Variants in DIP2C observed in about 807,000 individuals in gnomAD.
DIP2C encodes the protein disco-interacting protein 2 homolog C.
DIP2C carries 33 observed loss-of-function variants against 192.4 expected under a neutral mutation model. The observed-to-expected ratio is 0.17, with a 90% CI of 0.13 to 0.23. DIP2C has a LOEUF of 0.23. DIP2C is among the 10% of genes least tolerant of loss of function. The probability of loss-of-function intolerance (pLI) is 1.00; values close to 1 mark genes in which losing one functional copy is unlikely to be tolerated. For synonymous variants in DIP2C, 979 were observed against 864.1 expected (o/e 1.13, Z -2.33); for missense variants, 1,537 against 2,110.1 (o/e 0.73, Z 5.32).
At chr10:318,395 G>C (rs1307675666) in intron 31 of DIP2C, among the ~76,000 whole-genome samples, 1 of 152,238 alleles carries the variant, frequency 6.6e-6, no homozygotes, top group Non-Finnish European at 1.5e-5. Flanking sequence ...GGCAGTGAAG[G>C]TGTCCAGACA....
chr10:670,076 G>GCA (rs568893220), intron 1 of DIP2C, among the ~76,000 whole-genome samples: 1 of 152,112 alleles, frequency 6.6e-6, no homozygotes, highest in Non-Finnish European at 1.5e-5. Flanking sequence ...GCATATCTGT[G>GCA]CACACACACA....
chr10:499,495 G>C (rs1184247552), intron 1 of DIP2C, among the ~76,000 whole-genome samples: 2 of 152,228 alleles, frequency 1.3e-5, no homozygotes, highest in Admixed American at 6.5e-5. Context: ...GGGAAGCAAA[G>C]GCCTATCTTA....
intron 1 of DIP2C, among the ~76,000 whole-genome samples, chr10:637,634 G>A (rs539156825): frequency 3.0e-4 from 45 of 152,272 alleles, no homozygotes; most frequent in Non-Finnish European, 5.6e-4. Flanking sequence ...CATCTCCTCC[G>A]GGGTGAGGAT....
intron 3 of DIP2C, among the ~76,000 whole-genome samples, chr10:443,201 T>TA (rs1324111580): frequency 6.6e-6 from 1 of 152,230 alleles, no homozygotes; most frequent in African/African-American, 2.4e-5. Flanking sequence ...TATTCTGTTT[T>TA]TCATCGATCC....
At position 423,026 on chromosome 10, in the gene DIP2C, A is replaced by G. The variant is rs1966311349; in HGVS notation, c.402T>C (p.Ser134=). 6.2e-7 allele frequency: 1 copy of G among 1,608,654 alleles called. No homozygotes were observed. The highest frequency in any genetic ancestry group is 1.3e-5 in the African/African-American group (1 of 74,822). The change falls in exon 5 of 37, where the codon TCT becomes TCC. Residue 134 remains serine, a synonymous_variant. Coordinates refer to ENST00000280886, the MANE Select transcript of DIP2C (RefSeq NM_014974.3). ...SMDAYTPPDT[S]SGSEDEGSVQ... The stretch of plus-strand genomic sequence containing the variant: ...CTGAGCCTTCATCTTCTGAGCCAGA[A>G]GAGGTATCTGTGTAAGAAGAAAGGT...
At chr10:362,791 G>A (rs1176082949) in intron 21 of DIP2C, 100 bp from the exon 22 acceptor site, 15 of 1,284,996 alleles carry the variant, frequency 1.2e-5, no homozygotes, top group East Asian at 9.7e-5. Context: ...AGAAGTCTGT[G>A]CAGTATAAGC....
chr10:311,013 G>A (rs997868181), intron 31 of DIP2C, among the ~76,000 whole-genome samples: 23 of 151,586 alleles, frequency 1.5e-4, no homozygotes, highest in Admixed American at 2.6e-4. Flanking sequence ...TTCTTATATT[G>A]CTTATATATA....
intron 22 of DIP2C, among the ~76,000 whole-genome samples, chr10:361,623 G>A (rs1304044353): frequency 1.3e-5 from 2 of 152,208 alleles, no homozygotes; most frequent in African/African-American, 4.8e-5. Context: ...AAACAGTGGG[G>A]AGAGAGGATC....
At chr10:479,751 T>C (rs1190090283) in intron 2 of DIP2C, among the ~76,000 whole-genome samples, 2 of 152,246 alleles carry the variant, frequency 1.3e-5, no homozygotes, top group Admixed American at 1.3e-4. Flanking sequence ...TAGGGACTCA[T>C]ACACTGGAAA....
intron 9 of DIP2C, among the ~76,000 whole-genome samples, chr10:405,196 G>A (rs995381824): frequency 6.6e-5 from 10 of 152,190 alleles, no homozygotes; most frequent in African/African-American, 2.4e-4. Flanking sequence ...TCATCCCCAC[G>A]GCCAGACGGC....
chr10:387,599 GA>G (rs1276645192), intron 14 of DIP2C, 145 bp downstream of exon 14: 11 of 734,858 alleles, frequency 1.5e-5, no homozygotes, highest in African/African-American at 3.5e-5. Flanking sequence ...GGCAGGGTGG[GA>G]GGGAGACTCC....
chr10:579,246 C>A (rs1480221730), intron 1 of DIP2C, among the ~76,000 whole-genome samples: 1 of 151,830 alleles, frequency 6.6e-6, no homozygotes, highest in East Asian at 1.9e-4. Context: ...TACATAGGTA[C>A]ACTAACATGT....
intron 1 of DIP2C, among the ~76,000 whole-genome samples, chr10:542,461 G>A (rs1263032097): frequency 6.6e-6 from 1 of 152,212 alleles, no homozygotes; most frequent in Non-Finnish European, 1.5e-5. Context: ...GGACCCACCA[G>A]CAGGACTGCC....
At chr10:346,498 G>T (rs111977953) in intron 26 of DIP2C, among the ~76,000 whole-genome samples, 97 of 4,012 alleles carry the variant, frequency 0.024, no homozygotes, top group Middle Eastern at 0.042. Flanking sequence ...AACCCCACAC[G>T]CACCCAGACA....
At position 280,989 on chromosome 10, in the gene DIP2C, G is replaced by A. The variant is rs537617204; in HGVS notation, c.4418+211C>T. Among the ~76,000 whole-genome samples the A allele has an allele frequency of 1.3e-4, 20 of 152,286 alleles. No homozygotes were observed. In the South Asian group the frequency reaches 1.9e-3, roughly 14 times the overall value. On this transcript the variant is annotated intron_variant, in intron 36 of 36. Coordinates refer to ENST00000280886, the MANE Select transcript of DIP2C (RefSeq NM_014974.3). ...GTTTTCACGGCAATAGAAGTCTATC[G>A]TTTTCAGGTAATATATGGTACATTA...
intron 1 of DIP2C, among the ~76,000 whole-genome samples, chr10:541,296 G>A (rs1847971178): frequency 6.6e-6 from 1 of 152,136 alleles, no homozygotes; most frequent in Non-Finnish European, 1.5e-5. Context: ...CAGTGCACAG[G>A]TTAAATGTCA....
At chr10:618,913 G>A (rs1315454709) in intron 1 of DIP2C, among the ~76,000 whole-genome samples, 2 of 152,196 alleles carry the variant, frequency 1.3e-5, no homozygotes, top group Non-Finnish European at 2.9e-5. Context: ...AACAAAACCT[G>A]AAAGGACAGG....
At chr10:523,371 G>A (rs866079343) in intron 1 of DIP2C, among the ~76,000 whole-genome samples, 3 of 141,254 alleles carry the variant, frequency 2.1e-5, no homozygotes. Context: ...CAGGGACTCT[G>A]TGTCACCCAC....
chr10:281,098 C>CTA (rs1954796231), intron 36 of DIP2C, 102 bp downstream of exon 36: 1 of 1,518,968 alleles, frequency 6.6e-7, no homozygotes, highest in Non-Finnish European at 9.0e-7. Context: ...ACCCCCTTCC[C>CTA]TACCTTAACA....
Sources: gnomAD v4.1 joint callset for allele counts (sites outside exome capture counted in the v4.1 genomes callset) on GRCh38, gnomAD v4.1.1 for gene constraint, MANE v1.5 for transcripts, NCBI Gene and HGNC (gene_info 2026-07-23, HGNC 2026-07-21) for gene names.